Variants in MGME1 observed in about 807,000 individuals in gnomAD.
MGME1 encodes the protein chromosome 20 open reading frame 72.
A neutral mutation model predicts 33.0 loss-of-function variants in MGME1; 22 were observed. That is an observed-to-expected ratio of 0.67 (90% CI 0.48 to 0.95). MGME1 has a LOEUF of 0.95. Among genes scored for constraint, MGME1 ranks in the 40% least tolerant of loss-of-function variants. The pLI, the probability that MGME1 is intolerant of heterozygous loss-of-function variation, is 0.00. For synonymous variants in MGME1, 133 were observed against 144.0 expected, an observed-to-expected ratio of 0.92 and a Z score of 0.55; for missense variants, 383 against 397.8, an observed-to-expected ratio of 0.96 and a Z score of 0.32.
intron 3 of MGME1, among the ~76,000 whole-genome samples, chr20:17,987,052 C>CA (rs1332236094): frequency 3.3e-5 from 5 of 151,238 alleles, no homozygotes; most frequent in Non-Finnish European, 5.9e-5. Flanking sequence ...AGGTGGCGCA[C>CA]ACATGTAATG....
chr20:17,988,074 A>G lies in MGME1; in HGVS notation c.732-92A>G, dbSNP rs1390211635. On this transcript the variant is annotated intron_variant, in intron 3 of 4. Coordinates refer to ENST00000377710, the MANE Select transcript of MGME1 (RefSeq NM_052865.4). ...TAAGAGCAATGGTCATTGGCTGACA[A>G]GTAACAAACTATACATAAGAGAACT... 4.7e-6 allele frequency: 6 copies of G among 1,265,834 alleles called. No individual in the cohort carries two copies. In the African/African-American group the frequency reaches 9.1e-5, roughly 19 times the overall value. 78.4% of individuals were successfully genotyped at this position (1,265,834 alleles called of 1,614,324 possible). A position where few individuals can be genotyped will look rare whatever the true frequency, so the allele number is the denominator to read the frequency against.
intron 3 of MGME1, among the ~76,000 whole-genome samples, chr20:17,983,700 A>G (rs1476434076): frequency 6.6e-6 from 1 of 152,172 alleles, no homozygotes; most frequent in African/African-American, 2.4e-5. Flanking sequence ...ATGATTAGAG[A>G]TATTGAGCAT....
chr20:17,979,164 C>T (rs1477510477), intron 3 of MGME1, among the ~76,000 whole-genome samples: 2 of 151,754 alleles, frequency 1.3e-5, no homozygotes, highest in African/African-American at 4.8e-5. Context: ...GCAACGTCCA[C>T]CTCGCAGGCC....
At chr20:17,973,650 A>AAG (rs1262758601) in intron 2 of MGME1, among the ~76,000 whole-genome samples, 1 of 151,690 alleles carries the variant, frequency 6.6e-6, no homozygotes, top group East Asian at 1.9e-4. Flanking sequence ...CAAAAAAAAA[A>AAG]AAACTTGACA....
chr20:17,972,775 T>C, intron 2 of MGME1: 1 of 985,396 alleles, frequency 1.0e-6, no homozygotes, highest in Non-Finnish European at 1.2e-6. Context: ...GAGAAATGTA[T>C]GGTCTATTGG....
chr20:17,971,981 C>T (rs2035740727), intron 2 of MGME1, among the ~76,000 whole-genome samples: 1 of 152,088 alleles, frequency 6.6e-6, no homozygotes, highest in African/African-American at 2.4e-5. Flanking sequence ...AAGTGGTGCT[C>T]CCACCTCGGC....
At chr20:17,970,803 A>G (rs1383296733) in intron 2 of MGME1, among the ~76,000 whole-genome samples, 1 of 152,222 alleles carries the variant, frequency 6.6e-6, no homozygotes, top group Non-Finnish European at 1.5e-5. Context: ...AAATTTAAAG[A>G]CCTTGAAGCA....
Position 17,990,254 on chromosome 20 carries a change from T to A in MGME1, c.*145T>A. 1.3e-6 allele frequency: 1 copy of A among 758,996 alleles called. No homozygotes were observed. The highest frequency in any genetic ancestry group is 2.2e-6 in the Non-Finnish European group (1 of 456,114). The allele number at this position is 758,996 out of a possible 1,614,324, so 47.0% of individuals were successfully genotyped here. On this transcript the variant is annotated 3_prime_UTR_variant, in exon 5 of 5. Coordinates refer to ENST00000377710, the MANE Select transcript of MGME1 (RefSeq NM_052865.4). ...AGAAGTATTAATTTGTTGAAATGTG[T>A]TGTTACCAAAAAGACTGAAAAGCCC... is the stretch of plus-strand genomic sequence containing the variant.
At chr20:17,979,295 T>G (rs1398776333) in intron 3 of MGME1, among the ~76,000 whole-genome samples, 1 of 152,080 alleles carries the variant, frequency 6.6e-6, no homozygotes, top group African/African-American at 2.4e-5. Flanking sequence ...CTCAGGCTGA[T>G]CTAGAATTCC....
rs774845775 is a variant in MGME1, at chr20:17,988,283, C to T, written c.849C>T (p.Thr283=). The change falls in exon 4 of 5, where the codon ACC becomes ACT. Residue 283 remains threonine, a synonymous_variant. Coordinates refer to ENST00000377710, the MANE Select transcript of MGME1 (RefSeq NM_052865.4). The part of the protein sequence containing the change: ...VAYMGAMNHD[T]NYSFQVQCGL... The stretch of plus-strand genomic sequence containing the variant: ...ACATGGGTGCCATGAACCATGATAC[C>T]AACTACAGCTTTCAGGTCAGGACAC... 56 of 1,613,554 alleles carry T rather than the reference C, an allele frequency of 3.5e-5. No individual in the cohort carries two copies. Among genetic ancestry groups the T allele is most frequent in the Admixed American group, 5.0e-5 (3 of 59,900 alleles).
At chr20:17,988,739 G>A (rs889357091) in intron 4 of MGME1, among the ~76,000 whole-genome samples, 5 of 151,232 alleles carry the variant, frequency 3.3e-5, no homozygotes, top group Non-Finnish European at 5.9e-5. Flanking sequence ...AACTCCTTGA[G>A]GTTTTTCCTT....
chr20:17,974,211 T>G (rs1420417779), intron 2 of MGME1, among the ~76,000 whole-genome samples: 2 of 151,942 alleles, frequency 1.3e-5, no homozygotes, highest in East Asian at 3.9e-4. Flanking sequence ...ATTACAGGCA[T>G]GCGCCACCAC....
intron 3 of MGME1, among the ~76,000 whole-genome samples, chr20:17,982,198 G>A (rs1312304687): frequency 2.0e-5 from 3 of 152,198 alleles, no homozygotes; most frequent in Non-Finnish European, 2.9e-5. Flanking sequence ...GTGCGGCACC[G>A]CAACTTCCAC....
At chr20:17,976,710 G>A (rs1417235622) in intron 3 of MGME1, among the ~76,000 whole-genome samples, 2 of 152,038 alleles carry the variant, frequency 1.3e-5, no homozygotes, top group Non-Finnish European at 2.9e-5. Flanking sequence ...TGCCCAGGCT[G>A]GAGTGCAGTG....
chr20:17,984,924 C>T (rs1429576741), intron 3 of MGME1, among the ~76,000 whole-genome samples: 1 of 151,208 alleles, frequency 6.6e-6, no homozygotes, highest in African/African-American at 2.4e-5. Flanking sequence ...GTAATCCCAG[C>T]TAGTCTGGAG....
chr20:17,975,910 A>G lies in MGME1; in HGVS notation c.731+7A>G. 6.2e-7 allele frequency: 1 copy of G among 1,605,760 alleles called. No homozygotes were observed. Among genetic ancestry groups the G allele is most frequent in the South Asian group, 1.1e-5 (1 of 90,922 alleles). ...ACTGTGTGGCTGAGTATCAGTAAGT[A>G]TGAGATTGGAGGTGAATTAATACAG... On this transcript the variant is annotated splice_region_variant and intron_variant, in intron 3 of 4. Coordinates refer to ENST00000377710, the MANE Select transcript of MGME1 (RefSeq NM_052865.4).
At chr20:17,989,265 A>G (rs1600409627) in intron 4 of MGME1, among the ~76,000 whole-genome samples, 1 of 150,042 alleles carries the variant, frequency 6.7e-6, no homozygotes, top group South Asian at 2.1e-4. Context: ...GTGTGCCTCT[A>G]GTCCCACCTA....
Position 17,970,250 on chromosome 20 carries a change from C to A in MGME1, c.391C>A (p.Pro131Thr), listed in dbSNP as rs370722277. The A allele has an allele frequency of 2.7e-5, 43 of 1,614,088 alleles. No individual in the cohort carries two copies. Among genetic ancestry groups the A allele is most frequent in the Non-Finnish European group, 3.5e-5 (41 of 1,180,044 alleles). The change falls in exon 2 of 5, where the codon CCA becomes ACA. Residue 131 changes from proline (P) to threonine (T), a missense_variant. Transcript: ENST00000377710. ...LKIPLQRNVI[P>T]SVTRVLQQTM... Reference sequence around the variant, plus strand: ...AATCCCCTTGCAAAGGAATGTGATACCAAGTGTGACCCGAGTCCTTCAGCA... The same window carrying A: ...AATCCCCTTGCAAAGGAATGTGATAACAAGTGTGACCCGAGTCCTTCAGCA...
At chr20:17,985,919 C>G (rs1411130980) in intron 3 of MGME1, among the ~76,000 whole-genome samples, 5 of 152,196 alleles carry the variant, frequency 3.3e-5, no homozygotes, top group Non-Finnish European at 7.3e-5. Context: ...TGTCATTAAG[C>G]TACACATGAC....
Sources: gnomAD v4.1 joint callset for allele counts (sites outside exome capture counted in the v4.1 genomes callset) on GRCh38, gnomAD v4.1.1 for gene constraint, MANE v1.5 for transcripts, NCBI Gene and HGNC (gene_info 2026-07-23, HGNC 2026-07-21) for gene names.